The following FRMPD1 variants were observed in gnomAD, a reference collection of about 807,000 sequenced individuals.
FRMPD1 encodes the protein FERM and PDZ domain-containing protein 1.
FRMPD1 carries 76 observed loss-of-function variants against 117.8 expected under a neutral mutation model. That is an observed-to-expected ratio of 0.65 (90% CI 0.54 to 0.78). The LOEUF is 0.78. Ranked by LOEUF, FRMPD1 falls within the 30% of genes least tolerant of loss-of-function variation. The pLI, the probability that FRMPD1 is intolerant of heterozygous loss-of-function variation, is 0.00. For missense variants in FRMPD1, 1,786 were observed against 1,964.5 expected, an observed-to-expected ratio of 0.91 and a Z score of 1.72; for synonymous variants, 783 against 770.4, an observed-to-expected ratio of 1.02 and a Z score of -0.27.
the FRMPD1 span, among the ~76,000 whole-genome samples, chr9:37,621,172 A>C: frequency 4.1e-4 from 62 of 152,204 alleles, no homozygotes; most frequent in Admixed American, 1.4e-3. Context: ...AGGATAAAGG[A>C]GGCAGGGGAC....
intron 4 of FRMPD1, among the ~76,000 whole-genome samples, chr9:37,709,447 C>T (rs992993948): frequency 3.3e-5 from 5 of 151,002 alleles, no homozygotes; most frequent in African/African-American, 1.2e-4. Flanking sequence ...CCCAGCTACT[C>T]GGGTGGCTGA....
chr9:37,635,937 C>T, the FRMPD1 span, among the ~76,000 whole-genome samples: 9 of 152,264 alleles, frequency 5.9e-5, no homozygotes, highest in Admixed American at 2.6e-4. Flanking sequence ...GCCTCTGGCA[C>T]GGTGGGCCTT....
chr9:37,674,520 G>A (rs141341576), intron 1 of FRMPD1, among the ~76,000 whole-genome samples: 158 of 152,154 alleles, frequency 1.0e-3, no homozygotes, highest in Admixed American at 2.2e-3. Flanking sequence ...ACATTTTGGG[G>A]TATCTTTTCA....
intron 1 of FRMPD1, among the ~76,000 whole-genome samples, chr9:37,667,421 C>T (rs923782412): frequency 6.6e-6 from 1 of 150,632 alleles, no homozygotes; most frequent in Non-Finnish European, 1.5e-5. Context: ...TCCTGTAATC[C>T]CAGCACTTCG....
At chr9:37,717,840 C>T (rs1721497262) in intron 5 of FRMPD1, among the ~76,000 whole-genome samples, 1 of 152,082 alleles carries the variant, frequency 6.6e-6, no homozygotes. Context: ...ATTATAGGTC[C>T]ACAAGCCCCC....
chr9:37,648,135 A>G (rs1820548191), upstream of FRMPD1, among the ~76,000 whole-genome samples: 1 of 149,048 alleles, frequency 6.7e-6, no homozygotes, highest in Non-Finnish European at 1.5e-5. Flanking sequence ...CCTAGGTGGT[A>G]GGTATTCTTA....
the FRMPD1 span, among the ~76,000 whole-genome samples, chr9:37,618,414 G>A: frequency 6.6e-6 from 1 of 152,024 alleles, no homozygotes; most frequent in African/African-American, 2.4e-5. Flanking sequence ...AGCAACAACA[G>A]CCTCTTTTAC....
chr9:37,611,108 G>A, the FRMPD1 span, among the ~76,000 whole-genome samples: 133 of 152,220 alleles, frequency 8.7e-4, no homozygotes, highest in African/African-American at 3.1e-3. Context: ...GGAGATACTG[G>A]GCCAAAGGGT....
the FRMPD1 span, among the ~76,000 whole-genome samples, chr9:37,639,983 C>T: frequency 1.3e-5 from 2 of 152,202 alleles, no homozygotes; most frequent in Non-Finnish European, 2.9e-5. Flanking sequence ...TCACAGAACT[C>T]AGTCAGGCCA....
chr9:37,687,243 C>T (rs149754551), intron 1 of FRMPD1, among the ~76,000 whole-genome samples: 56 of 152,306 alleles, frequency 3.7e-4, no homozygotes, highest in Middle Eastern at 3.4e-3. Flanking sequence ...GGCATTTCCC[C>T]GTTAATCCTG....
At chr9:37,672,783 AAAT>A (rs1333680312) in intron 1 of FRMPD1, among the ~76,000 whole-genome samples, 1 of 152,176 alleles carries the variant, frequency 6.6e-6, no homozygotes, top group Non-Finnish European at 1.5e-5. Flanking sequence ...AACCAAGAGA[AAAT>A]AAGGAGGAAG....
chr9:37,614,611 C>T, the FRMPD1 span, among the ~76,000 whole-genome samples: 1 of 152,172 alleles, frequency 6.6e-6, no homozygotes, highest in African/African-American at 2.4e-5. Context: ...GGCCCTTTGC[C>T]CCTGAGGTTC....
At chr9:37,629,191 T>C in the FRMPD1 span, among the ~76,000 whole-genome samples, 1 of 145,468 alleles carries the variant, frequency 6.9e-6, no homozygotes, top group South Asian at 2.3e-4. Context: ...AGAGCGAGAC[T>C]CCATCTCCAA....
At chr9:37,688,286 C>T (rs1822016942) in intron 1 of FRMPD1, among the ~76,000 whole-genome samples, 1 of 151,100 alleles carries the variant, frequency 6.6e-6, no homozygotes, top group Non-Finnish European at 1.5e-5. Flanking sequence ...ATCCCATTAA[C>T]AAATATTTTA....
chr9:37,746,418 C>T lies in FRMPD1; in HGVS notation c.4386C>T (p.Leu1462=), dbSNP rs1182087870. 2 of 1,613,492 alleles carry T rather than the reference C, an allele frequency of 1.2e-6. No homozygotes were observed. The highest frequency in any genetic ancestry group is 1.7e-6 in the Non-Finnish European group (2 of 1,179,998). ...TWHFTESRSR[L]CMGSQKLLSS... ...ACTTTACCGAAAGCCGGAGCCGCCTCTGCATGGGCTCCCAGAAGCTCCTGT... is the reference window on the plus strand; with the variant it reads ...ACTTTACCGAAAGCCGGAGCCGCCTTTGCATGGGCTCCCAGAAGCTCCTGT... The change falls in exon 16 of 16, where the codon CTC becomes CTT. Residue 1462 remains leucine, a synonymous_variant. Coordinates refer to ENST00000377765, the MANE Select transcript of FRMPD1 (RefSeq NM_014907.3).
At chr9:37,666,165 T>G (rs1821154137) in intron 1 of FRMPD1, among the ~76,000 whole-genome samples, 1 of 152,146 alleles carries the variant, frequency 6.6e-6, no homozygotes, top group South Asian at 2.1e-4. Flanking sequence ...TTCTCCTGAC[T>G]AGATATCAAT....
At position 37,685,460 on chromosome 9, in the gene FRMPD1, G is replaced by A. The variant is rs555300081; in HGVS notation, c.-4-7178G>A. On this transcript the variant is annotated intron_variant, in intron 1 of 15. Coordinates refer to ENST00000377765, the MANE Select transcript of FRMPD1 (RefSeq NM_014907.3). ...AGATCGAGACTATCCTGGCTAACACGGTGAAACCCTGTCTCTACTAAAAAT... is the reference window on the plus strand; with the variant it reads ...AGATCGAGACTATCCTGGCTAACACAGTGAAACCCTGTCTCTACTAAAAAT... 6.9e-4 allele frequency among the ~76,000 whole-genome samples: 105 copies of A among 151,958 alleles called. 1 individual carries two copies. The highest frequency in any genetic ancestry group is 2.7e-3 in the South Asian group (13 of 4,804).
intron 1 of FRMPD1, among the ~76,000 whole-genome samples, chr9:37,677,301 A>G (rs1821564329): frequency 6.6e-6 from 1 of 152,178 alleles, no homozygotes; most frequent in African/African-American, 2.4e-5. Flanking sequence ...GTTACTGTTT[A>G]TTAGTATGAT....
At chr9:37,710,802 T>C (rs1822876886) in intron 4 of FRMPD1, among the ~76,000 whole-genome samples, 1 of 151,748 alleles carries the variant, frequency 6.6e-6, no homozygotes, top group East Asian at 1.9e-4. Context: ...CCATCTCTAC[T>C]AAAAAATTAG....
Sources: allele counts gnomAD v4.1 joint callset (sites outside exome capture counted in the v4.1 genomes callset), GRCh38; gene constraint gnomAD v4.1.1; transcripts MANE v1.5; gene names NCBI Gene and HGNC (gene_info 2026-07-23, HGNC 2026-07-21).